The following SCML4 variants were observed in gnomAD, a reference collection of about 807,000 sequenced individuals.
The protein encoded by SCML4 is Scm polycomb group protein like 4.
Under a neutral mutation model 41.1 loss-of-function variants are expected in SCML4, and 34 were observed. The ratio of observed to expected loss-of-function variants is 0.83; its 90% CI spans 0.63 to 1.10. The LOEUF (loss-of-function observed/expected upper bound fraction) is 1.10. SCML4 is among the 50% of genes least tolerant of loss of function. The pLI is 0.00. For synonymous variants in SCML4, 214 were observed against 220.9 expected (o/e 0.97, Z 0.28); for missense variants, 522 against 534.1 (o/e 0.98, Z 0.22).
intron 1 of SCML4, among the ~76,000 whole-genome samples, chr6:107,822,527 A>G (rs1252446024): frequency 1.0e-5 from 1 of 95,960 alleles, no homozygotes; most frequent in African/African-American, 8.4e-5. Context: ...TTTTTGCAGC[A>G]AAATAAAAGT....
intron 6 of SCML4, among the ~76,000 whole-genome samples, chr6:107,716,631 A>C (rs1285649575): frequency 1.3e-5 from 2 of 152,128 alleles, no homozygotes; most frequent in African/African-American, 2.4e-5. Context: ...TAAGAACTAT[A>C]GATGAGGAAA....
At chr6:107,818,779 C>CA (rs1285829735) in intron 1 of SCML4, among the ~76,000 whole-genome samples, 3 of 152,196 alleles carry the variant, frequency 2.0e-5, no homozygotes, top group Non-Finnish European at 4.4e-5. Flanking sequence ...GACTGCTTGT[C>CA]AAAACAGGAT....
chr6:107,759,132 C>CAAAAAAAAAAAAAAAAAAAACTGAA (rs1779345431), intron 2 of SCML4, among the ~76,000 whole-genome samples: 1 of 88,220 alleles, frequency 1.1e-5, no homozygotes, highest in South Asian at 4.1e-4. Context: ...ACAAAAAATA[C>CAAAAAAAAAAAAAAAAAAAACTGAA]AAAAAAAAAA....
At chr6:107,747,145 A>G (rs939509653) in intron 3 of SCML4, among the ~76,000 whole-genome samples, 1 of 152,216 alleles carries the variant, frequency 6.6e-6, no homozygotes, top group Non-Finnish European at 1.5e-5. Context: ...GTCCACTCTG[A>G]TCTACTGAAA....
At chr6:107,838,456 G>A in the SCML4 span, among the ~76,000 whole-genome samples, 3 of 152,184 alleles carry the variant, frequency 2.0e-5, no homozygotes, top group Non-Finnish European at 2.9e-5. Context: ...GCGTTGTCAG[G>A]CCAGACTTCC....
intron 6 of SCML4, among the ~76,000 whole-genome samples, chr6:107,710,546 T>G (rs1206964952): frequency 1.9e-5 from 2 of 104,842 alleles, no homozygotes; most frequent in Non-Finnish European, 4.0e-5. Context: ...GAGGCAGAGG[T>G]GGGCGGATCA....
intron 2 of SCML4, chr6:107,755,547 AG>A: frequency 8.3e-7 from 1 of 1,199,336 alleles, no homozygotes; most frequent in Non-Finnish European, 1.1e-6. Flanking sequence ...AGTGTGATGC[AG>A]GGCCCAGTCC....
intron 2 of SCML4, among the ~76,000 whole-genome samples, chr6:107,757,767 A>G (rs1779233374): frequency 6.6e-6 from 1 of 152,164 alleles, no homozygotes; most frequent in Admixed American, 6.5e-5. Context: ...TATTATTGTT[A>G]CTTTTAGAAA....
intron 1 of SCML4, among the ~76,000 whole-genome samples, chr6:107,820,636 C>T (rs1465659572): frequency 6.6e-6 from 1 of 152,118 alleles, no homozygotes; most frequent in Non-Finnish European, 1.5e-5. Flanking sequence ...AAGGAGTGAG[C>T]CCTTGCCAGA....
chr6:107,789,498 C>T (rs774368243), intron 1 of SCML4, among the ~76,000 whole-genome samples: 6 of 152,192 alleles, frequency 3.9e-5, no homozygotes, highest in South Asian at 2.1e-4. Flanking sequence ...CTATGTCCTG[C>T]GTCGTTGACA....
At chr6:107,795,087 G>A (rs1782610313) in intron 1 of SCML4, among the ~76,000 whole-genome samples, 1 of 152,140 alleles carries the variant, frequency 6.6e-6, no homozygotes, top group Non-Finnish European at 1.5e-5. Context: ...GAGTTTCTAG[G>A]TGGACATGAA....
intron 7 of SCML4, among the ~76,000 whole-genome samples, chr6:107,705,695 G>A (rs1773544241): frequency 6.6e-6 from 1 of 152,132 alleles, no homozygotes; most frequent in Non-Finnish European, 1.5e-5. Flanking sequence ...GGAACTAGAG[G>A]GTCTTTCCAT....
At chr6:107,809,454 G>T (rs1021207509) in intron 1 of SCML4, among the ~76,000 whole-genome samples, 1 of 152,224 alleles carries the variant, frequency 6.6e-6, no homozygotes, top group Admixed American at 6.5e-5. Context: ...CCATCATGGT[G>T]GTCCCTGTGA....
intron 1 of SCML4, among the ~76,000 whole-genome samples, chr6:107,776,212 GA>G (rs1314049924): frequency 6.6e-6 from 1 of 152,020 alleles, no homozygotes; most frequent in Non-Finnish European, 1.5e-5. Flanking sequence ...AAAAAAGATT[GA>G]AAATAAAGCT....
At position 107,746,836 on chromosome 6, in the gene SCML4, T is replaced by C; in HGVS notation, c.340A>G (p.Lys114Glu). The C allele has an allele frequency of 6.2e-7, 1 of 1,614,072 alleles. No individual in the cohort carries two copies. Among genetic ancestry groups the C allele is most frequent in the Non-Finnish European group, 8.5e-7 (1 of 1,179,972 alleles). The change falls in exon 4 of 8, where the codon AAG becomes GAG. Residue 114 changes from lysine (K) to glutamate (E), a missense_variant. Coordinates refer to ENST00000369020, the MANE Select transcript of SCML4 (RefSeq NM_198081.5). ...ANAGPYLERK[K>E]VQQLPEHFGP... Reference sequence around the variant, plus strand: ...AAATGCTCCGGGAGCTGCTGCACCTTCTTCCTCTCCAGATAGGGCCCCGCA... The same window carrying C: ...AAATGCTCCGGGAGCTGCTGCACCTCCTTCCTCTCCAGATAGGGCCCCGCA...
At chr6:107,779,043 G>A (rs934479469) in intron 1 of SCML4, among the ~76,000 whole-genome samples, 4 of 152,096 alleles carry the variant, frequency 2.6e-5, no homozygotes, top group Non-Finnish European at 5.9e-5. Flanking sequence ...AGCCGGGCGT[G>A]GTGGCGGGCG....
At chr6:107,800,507 T>C (rs9486714) in intron 1 of SCML4, among the ~76,000 whole-genome samples, 3,332 of 152,288 alleles carry the variant, frequency 0.022, 122 homozygotes, top group African/African-American at 0.075. Flanking sequence ...CAGAAGAATG[T>C]TGGAAAAGAT....
intron 5 of SCML4, among the ~76,000 whole-genome samples, chr6:107,734,909 T>C (rs920380141): frequency 2.6e-5 from 4 of 152,180 alleles, no homozygotes; most frequent in African/African-American, 9.7e-5. Flanking sequence ...GGAATCATGC[T>C]CTGTCACCTA....
chr6:107,778,997 C>A (rs6903855), intron 1 of SCML4, among the ~76,000 whole-genome samples: 4 of 151,826 alleles, frequency 2.6e-5, no homozygotes, highest in Non-Finnish European at 5.9e-5. Context: ...TGGCTAACAC[C>A]GTGAAACCCC....
Sources: allele counts gnomAD v4.1 joint callset (sites outside exome capture counted in the v4.1 genomes callset), GRCh38; gene constraint gnomAD v4.1.1; transcripts MANE v1.5; gene names NCBI Gene and HGNC (gene_info 2026-07-23, HGNC 2026-07-21).